Variants in MAGI1 observed in about 807,000 individuals in gnomAD.
The protein encoded by MAGI1 is membrane associated guanylate kinase, WW and PDZ domain containing 1.
MAGI1 carries 58 observed loss-of-function variants against 139.9 expected under a neutral mutation model. The observed-to-expected ratio is 0.41, with a 90% CI of 0.34 to 0.52. The LOEUF (loss-of-function observed/expected upper bound fraction) is 0.52, where lower values mean the gene tolerates loss of function less well. Ranked by LOEUF, MAGI1 falls within the 20% of genes least tolerant of loss-of-function variation. MAGI1 has a pLI of 0.12. For missense variants in MAGI1, 1,874 were observed against 1,901.6 expected (o/e 0.99, Z 0.27); for synonymous variants, 812 against 737.9 (o/e 1.10, Z -1.63).
intron 1 of MAGI1, among the ~76,000 whole-genome samples, chr3:65,883,712 ACTGTTC>A (rs953592418): frequency 1.1e-4 from 16 of 152,326 alleles, no homozygotes; most frequent in African/African-American, 3.8e-4. Context: ...TGCATTTCCC[ACTGTTC>A]TAACCCTCTC....
At chr3:65,394,667 G>A (rs190318929) in intron 13 of MAGI1, among the ~76,000 whole-genome samples, 118 of 119,356 alleles carry the variant, frequency 9.9e-4, no homozygotes, top group African/African-American at 3.5e-3. Flanking sequence ...GTGGGTGTGA[G>A]GGGAGTTCAA....
chr3:65,967,807 G>T (rs546736833), intron 1 of MAGI1, among the ~76,000 whole-genome samples: 19 of 152,306 alleles, frequency 1.2e-4, no homozygotes, highest in African/African-American at 4.3e-4. Flanking sequence ...ATGAGTACCA[G>T]CTCTTGAAGA....
chr3:65,941,043 GAATTAT>G (rs1311476925), intron 1 of MAGI1, among the ~76,000 whole-genome samples: 1 of 152,172 alleles, frequency 6.6e-6, no homozygotes. Context: ...AAGGTACAAA[GAATTAT>G]AATTATATTG....
chr3:65,950,240 T>C (rs1051711478), intron 1 of MAGI1, among the ~76,000 whole-genome samples: 13 of 151,556 alleles, frequency 8.6e-5, no homozygotes, highest in Admixed American at 3.9e-4. Flanking sequence ...ACCACCCAAG[T>C]GGGTAACTTA....
intron 1 of MAGI1, among the ~76,000 whole-genome samples, chr3:65,936,414 G>A (rs1050162102): frequency 3.9e-5 from 6 of 152,030 alleles, no homozygotes; most frequent in South Asian, 2.1e-4. Context: ...GAGGCATACC[G>A]ATCACCTGAG....
chr3:65,930,898 C>A (rs548565201), intron 1 of MAGI1, among the ~76,000 whole-genome samples: 13 of 152,250 alleles, frequency 8.5e-5, no homozygotes, highest in Admixed American at 7.8e-4. Context: ...GGGAATTGCC[C>A]GCCCCTTTCC....
At position 65,589,077 on chromosome 3, in the gene MAGI1, C is replaced by CA. The variant is rs2081833985; in HGVS notation, c.430+32894dup. Reference sequence around the variant, plus strand: ...TGTTAGGTTCAGAGCAGGGATAGGTCAGAGTAAACAGTTTACAGTATGCAT... The same window carrying CA: ...TGTTAGGTTCAGAGCAGGGATAGGTCAAGAGTAAACAGTTTACAGTATGCAT... On this transcript the variant is annotated intron_variant, in intron 2 of 22. Transcript: ENST00000402939. Among the ~76,000 whole-genome samples, 6 of 152,050 alleles carry CA rather than the reference C, an allele frequency of 3.9e-5. No homozygotes were observed. The South Asian group carries it at 1.2e-3, about 32-fold the overall frequency.
chr3:65,804,816 G>A (rs183395071), intron 1 of MAGI1, among the ~76,000 whole-genome samples: 1 of 152,198 alleles, frequency 6.6e-6, no homozygotes, highest in East Asian at 1.9e-4. Context: ...TGACAAACCG[G>A]ACAAAAACAA....
chr3:65,440,846 CATATGTATACAT>C (rs1262657280), intron 8 of MAGI1, among the ~76,000 whole-genome samples: 6 of 32,118 alleles, frequency 1.9e-4, no homozygotes, highest in African/African-American at 3.7e-4. Context: ...TACATATATA[CATATGTATACAT>C]ATATATGTAT....
At chr3:65,501,315 C>T (rs1019658229) in intron 2 of MAGI1, among the ~76,000 whole-genome samples, 2 of 151,916 alleles carry the variant, frequency 1.3e-5, no homozygotes, top group Non-Finnish European at 2.9e-5. Context: ...CCCATTTCTA[C>T]TAAAAATAGA....
chr3:65,600,973 CT>C (rs1476423605), intron 2 of MAGI1, among the ~76,000 whole-genome samples: 2 of 152,050 alleles, frequency 1.3e-5, no homozygotes, highest in African/African-American at 4.8e-5. Context: ...ACTTTTTCAC[CT>C]GTAAAATGAG....
intron 1 of MAGI1, among the ~76,000 whole-genome samples, chr3:65,870,135 C>T (rs1326289141): frequency 6.6e-6 from 1 of 152,058 alleles, no homozygotes; most frequent in Non-Finnish European, 1.5e-5. Context: ...TAGACAGGAG[C>T]CTATAATGTT....
At chr3:65,443,371 T>C (rs1439269065) in intron 7 of MAGI1, among the ~76,000 whole-genome samples, 1 of 152,230 alleles carries the variant, frequency 6.6e-6, no homozygotes, top group Non-Finnish European at 1.5e-5. Flanking sequence ...TATCACTCAA[T>C]TGCTATCTCT....
intron 1 of MAGI1, among the ~76,000 whole-genome samples, chr3:65,834,457 A>G (rs2042696095): frequency 1.3e-5 from 2 of 152,130 alleles, no homozygotes; most frequent in South Asian, 4.1e-4. Flanking sequence ...ACTCTGTATG[A>G]TTTCAGTTCT....
intron 1 of MAGI1, among the ~76,000 whole-genome samples, chr3:65,919,451 T>C (rs1454162563): frequency 6.6e-6 from 1 of 151,824 alleles, no homozygotes; most frequent in Non-Finnish European, 1.5e-5. Flanking sequence ...TGGTCCCAGC[T>C]ACTTGGGAGG....
chr3:65,552,162 T>G (rs2079865686), intron 2 of MAGI1, among the ~76,000 whole-genome samples: 2 of 152,128 alleles, frequency 1.3e-5, no homozygotes, highest in South Asian at 4.1e-4. Context: ...GCAGAAAGCC[T>G]GTAATTAGAA....
intron 1 of MAGI1, among the ~76,000 whole-genome samples, chr3:65,795,275 T>C (rs2040049228): frequency 6.6e-6 from 1 of 152,034 alleles, no homozygotes; most frequent in South Asian, 2.1e-4. Context: ...AAAACTACCA[T>C]CAACACAGAT....
At chr3:65,509,545 G>C (rs1030836106) in intron 2 of MAGI1, among the ~76,000 whole-genome samples, 5 of 152,198 alleles carry the variant, frequency 3.3e-5, no homozygotes, top group African/African-American at 1.2e-4. Context: ...AGGGGTGACG[G>C]ACGCACCTGG....
chr3:65,621,318 G>C (rs553935071), intron 2 of MAGI1, among the ~76,000 whole-genome samples: 4 of 152,208 alleles, frequency 2.6e-5, no homozygotes, highest in African/African-American at 9.6e-5. Context: ...TAGACAGACA[G>C]GCTGCCTTTC....
Sources: allele counts gnomAD v4.1 joint callset (sites outside exome capture counted in the v4.1 genomes callset), GRCh38; gene constraint gnomAD v4.1.1; transcripts MANE v1.5; gene names NCBI Gene and HGNC (gene_info 2026-07-23, HGNC 2026-07-21).